Variants in RPS6KC1 observed in about 807,000 individuals in gnomAD.
The protein encoded by RPS6KC1 is ribosomal protein S6 kinase C1, also known as inactive ribosomal protein S6 kinase delta-1.
In RPS6KC1, 54 loss-of-function variants were observed where a neutral mutation model predicts 103.8. The observed-to-expected ratio is 0.52, with a 90% CI of 0.42 to 0.65. RPS6KC1 has a LOEUF of 0.65. Ranked by LOEUF, RPS6KC1 falls within the 30% of genes least tolerant of loss-of-function variation. The pLI, the probability that RPS6KC1 is intolerant of heterozygous loss-of-function variation, is 0.00. For missense variants in RPS6KC1, 1,151 were observed against 1,253.8 expected, an observed-to-expected ratio of 0.92 and a Z score of 1.24; for synonymous variants, 439 against 438.7, an observed-to-expected ratio of 1.00 and a Z score of -0.01.
chr1:213,547,204 C>T, the RPS6KC1 span, among the ~76,000 whole-genome samples: 1 of 152,160 alleles, frequency 6.6e-6, no homozygotes, highest in South Asian at 2.1e-4. Context: ...TGATGCTGAC[C>T]TCAGCCATAC....
intron 4 of RPS6KC1, among the ~76,000 whole-genome samples, chr1:213,107,830 G>A (rs903362116): frequency 3.3e-5 from 5 of 152,294 alleles, no homozygotes; most frequent in Admixed American, 1.3e-4. Context: ...AGCCATTCTA[G>A]CAGGTGTGCA....
intron 6 of RPS6KC1, among the ~76,000 whole-genome samples, chr1:213,144,815 G>A (rs371840498): frequency 1.2e-4 from 18 of 152,000 alleles, no homozygotes; most frequent in African/African-American, 3.1e-4. Context: ...AGAGGTTCAC[G>A]CCTGTAATCC....
At chr1:213,734,571 T>C in the RPS6KC1 span, among the ~76,000 whole-genome samples, 1 of 152,214 alleles carries the variant, frequency 6.6e-6, no homozygotes, top group African/African-American at 2.4e-5. Flanking sequence ...TTATTAAGGC[T>C]GTGCAGTAAT....
chr1:213,762,146 G>C, the RPS6KC1 span, among the ~76,000 whole-genome samples: 1 of 152,130 alleles, frequency 6.6e-6, no homozygotes, highest in South Asian at 2.1e-4. Flanking sequence ...TCAGAGGTGC[G>C]CTGTCTCGGG....
At chr1:213,506,940 C>T in the RPS6KC1 span, among the ~76,000 whole-genome samples, 2 of 152,116 alleles carry the variant, frequency 1.3e-5, no homozygotes, top group African/African-American at 4.8e-5. Context: ...GCAATTCATC[C>T]CATTCCTTTT....
chr1:213,410,796 A>G, the RPS6KC1 span, among the ~76,000 whole-genome samples: 1 of 151,280 alleles, frequency 6.6e-6, no homozygotes, highest in Non-Finnish European at 1.5e-5. Context: ...AGAGAAGTTA[A>G]CTTGTCAGGG....
At chr1:213,449,261 T>G in the RPS6KC1 span, among the ~76,000 whole-genome samples, 1 of 151,528 alleles carries the variant, frequency 6.6e-6, no homozygotes. Context: ...ATTTAGTCTA[T>G]TTCCACAAAA....
chr1:213,326,573 C>G, the RPS6KC1 span, among the ~76,000 whole-genome samples: 21 of 152,200 alleles, frequency 1.4e-4, no homozygotes, highest in Admixed American at 1.3e-3. Flanking sequence ...CTATTACCCC[C>G]CCAAACAATA....
chr1:213,104,052 A>G lies in RPS6KC1; in HGVS notation c.263-402A>G, dbSNP rs554918357. ...AATTTCCTCTCTTCAGCCCCTTTAT[A>G]AATCAAAAAGAGTAGAAAAGGGAAA... On this transcript the variant is annotated intron_variant, in intron 3 of 14. Coordinates refer to ENST00000366960, the MANE Select transcript of RPS6KC1 (RefSeq NM_012424.6). Among the ~76,000 whole-genome samples, 8 of 152,294 alleles carry G rather than the reference A, an allele frequency of 5.3e-5. No individual in the cohort carries two copies. In the East Asian group the frequency reaches 7.7e-4, roughly 15 times the overall value.
chr1:213,758,640 A>G, the RPS6KC1 span, among the ~76,000 whole-genome samples: 1 of 152,142 alleles, frequency 6.6e-6, no homozygotes, highest in Non-Finnish European at 1.5e-5. Context: ...CCACATTAAC[A>G]GGGCTTTGGA....
the RPS6KC1 span, among the ~76,000 whole-genome samples, chr1:213,699,879 T>G: frequency 6.6e-6 from 1 of 152,146 alleles, no homozygotes; most frequent in Non-Finnish European, 1.5e-5. Context: ...CTTTTGCCCA[T>G]TTTTTGATCA....
At chr1:213,380,182 G>A in the RPS6KC1 span, among the ~76,000 whole-genome samples, 1 of 152,190 alleles carries the variant, frequency 6.6e-6, no homozygotes, top group Non-Finnish European at 1.5e-5. Flanking sequence ...CAGCAGCCTG[G>A]ATGGAGCTGG....
the RPS6KC1 span, among the ~76,000 whole-genome samples, chr1:213,701,589 T>C: frequency 2.0e-5 from 3 of 152,078 alleles, no homozygotes; most frequent in Non-Finnish European, 4.4e-5. Flanking sequence ...TTGATCTCAT[T>C]ACTTGTTGTT....
At chr1:213,458,335 C>G in the RPS6KC1 span, among the ~76,000 whole-genome samples, 2 of 151,878 alleles carry the variant, frequency 1.3e-5, no homozygotes, top group South Asian at 4.2e-4. Flanking sequence ...TGATCTCATT[C>G]TTTTTTAAGG....
intron 4 of RPS6KC1, among the ~76,000 whole-genome samples, chr1:213,110,077 G>T (rs575329765): frequency 6.6e-6 from 1 of 152,058 alleles, no homozygotes; most frequent in African/African-American, 2.4e-5. Context: ...TTATAATTTT[G>T]ATTTATTTAT....
chr1:213,847,480 C>A, the RPS6KC1 span, among the ~76,000 whole-genome samples: 2 of 152,158 alleles, frequency 1.3e-5, no homozygotes, highest in Non-Finnish European at 2.9e-5. Flanking sequence ...ACTCCATTTT[C>A]TAATTTCTCC....
At chr1:213,513,206 T>TG in the RPS6KC1 span, among the ~76,000 whole-genome samples, 9 of 152,092 alleles carry the variant, frequency 5.9e-5, no homozygotes, top group Non-Finnish European at 1.2e-4. Flanking sequence ...AGCCAAGGAA[T>TG]GTGGCACCTC....
chr1:213,376,896 C>A, the RPS6KC1 span, among the ~76,000 whole-genome samples: 1 of 152,116 alleles, frequency 6.6e-6, no homozygotes, highest in African/African-American at 2.4e-5. Context: ...GGACTGGAGA[C>A]AATCAGGGAG....
chr1:213,564,471 C>G, the RPS6KC1 span, among the ~76,000 whole-genome samples: 1 of 152,146 alleles, frequency 6.6e-6, no homozygotes, highest in African/African-American at 2.4e-5. Context: ...TTCTGGTATT[C>G]TGTTTTATAG....
Sources: allele counts gnomAD v4.1 joint callset (sites outside exome capture counted in the v4.1 genomes callset), GRCh38; gene constraint gnomAD v4.1.1; transcripts MANE v1.5; gene names NCBI Gene and HGNC (gene_info 2026-07-23, HGNC 2026-07-21).